EIF3H: variants seen among roughly 807,000 people sequenced by gnomAD.
The protein encoded by EIF3H is eIF-3-gamma.
Under a neutral mutation model 44.2 loss-of-function variants are expected in EIF3H, and 26 were observed. The ratio of observed to expected loss-of-function variants is 0.59; its 90% CI spans 0.43 to 0.82. EIF3H has a LOEUF of 0.82. Among genes scored for constraint, EIF3H ranks in the 40% least tolerant of loss-of-function variants. The pLI is 0.00. For synonymous variants in EIF3H, 166 were observed against 151.9 expected (o/e 1.09, Z -0.68); for missense variants, 359 against 432.8 (o/e 0.83, Z 1.51).
intron 2 of EIF3H, among the ~76,000 whole-genome samples, chr8:116,709,073 T>C (rs532566093): frequency 6.6e-6 from 1 of 152,136 alleles, no homozygotes; most frequent in East Asian, 1.9e-4. Context: ...ACCTTAGCAA[T>C]TTAAATAGAC....
At chr8:116,750,306 G>C (rs1815308635) in intron 1 of EIF3H, among the ~76,000 whole-genome samples, 1 of 10,878 alleles carries the variant, frequency 9.2e-5, no homozygotes. Context: ...GATGATGAAA[G>C]AGAACAATTT....
At position 116,734,721 on chromosome 8, in the gene EIF3H, A is replaced by T. The variant is rs1815005118; in HGVS notation, c.133-8549T>A. Among the ~76,000 whole-genome samples, 3 of 151,894 alleles carry T rather than the reference A, an allele frequency of 2.0e-5. No homozygotes were observed. In the South Asian group the frequency reaches 6.2e-4, roughly 32 times the overall value. ...CAGGTGCACGCCACCACACCCGGCTAAGTTTGTTCTGTATTTCTAGTGGAG... is the reference window on the plus strand; with the variant it reads ...CAGGTGCACGCCACCACACCCGGCTTAGTTTGTTCTGTATTTCTAGTGGAG... On this transcript the variant is annotated intron_variant, in intron 1 of 7. Coordinates refer to ENST00000521861, the MANE Select transcript of EIF3H (RefSeq NM_003756.3).
chr8:116,651,855 G>A (rs924528630), intron 5 of EIF3H, among the ~76,000 whole-genome samples: 1 of 152,210 alleles, frequency 6.6e-6, no homozygotes, highest in Non-Finnish European at 1.5e-5. Context: ...TCTGGAATCT[G>A]TCCTAAGGAC....
rs1193568300 is a variant in EIF3H, at chr8:116,655,849, C to T, written c.707+7G>A. The T allele has an allele frequency of 1.9e-6, 3 of 1,613,224 alleles. No homozygotes were observed. Among genetic ancestry groups the T allele is most frequent in the South Asian group, 1.1e-5 (1 of 90,984 alleles). The stretch of plus-strand genomic sequence containing the variant: ...ACATGGGCTTTTCATTAGGCAGGGC[C>T]ACTTACCTGCTGGCAAGGCTGAGCA... On this transcript the variant is annotated splice_region_variant and intron_variant, in intron 5 of 7. Transcript: ENST00000521861.
chr8:116,665,669 T>A (rs376191112), intron 2 of EIF3H, among the ~76,000 whole-genome samples: 1 of 152,182 alleles, frequency 6.6e-6, no homozygotes, highest in African/African-American at 2.4e-5. Context: ...GTAGGACTTT[T>A]AAGAATAAAA....
chr8:116,751,796 C>T (rs1815348773), intron 1 of EIF3H, among the ~76,000 whole-genome samples: 3 of 152,156 alleles, frequency 2.0e-5, no homozygotes, highest in Admixed American at 2.0e-4. Flanking sequence ...TATTCTGTCC[C>T]AGACATTGTT....
At chr8:116,715,651 A>T (rs1325496040) in intron 2 of EIF3H, among the ~76,000 whole-genome samples, 1 of 152,114 alleles carries the variant, frequency 6.6e-6, no homozygotes, top group Non-Finnish European at 1.5e-5. Context: ...TGAAATAGTA[A>T]ATCAATTTAG....
chr8:116,700,419 T>C (rs897817766), intron 2 of EIF3H, among the ~76,000 whole-genome samples: 7 of 152,222 alleles, frequency 4.6e-5, no homozygotes, highest in Admixed American at 1.3e-4. Flanking sequence ...CTTTTCTTTT[T>C]TTTTTAAGCT....
chr8:116,703,660 G>A lies in EIF3H; in HGVS notation c.289+22356C>T, dbSNP rs149967883. Among the ~76,000 whole-genome samples the A allele has an allele frequency of 1.2e-4, 18 of 152,288 alleles. No homozygotes were observed. The East Asian group carries it at 2.3e-3, about 20-fold the overall frequency. Reference sequence around the variant, plus strand: ...ACCAAACAGGGAAGGGCCCCTGTCCGGTGGACACATGGCTTGTGTGACCTT... The same window carrying A: ...ACCAAACAGGGAAGGGCCCCTGTCCAGTGGACACATGGCTTGTGTGACCTT... On this transcript the variant is annotated intron_variant, in intron 2 of 7. Coordinates refer to ENST00000521861, the MANE Select transcript of EIF3H (RefSeq NM_003756.3).
At chr8:116,659,082 A>C in intron 2 of EIF3H, 102 bp from the exon 3 acceptor site, 1 of 959,446 alleles carries the variant, frequency 1.0e-6, no homozygotes, top group Admixed American at 3.2e-5. Context: ...ATAACAATTT[A>C]TTAGCAATAG....
intron 2 of EIF3H, among the ~76,000 whole-genome samples, chr8:116,683,595 T>G (rs1249538282): frequency 6.6e-6 from 1 of 152,206 alleles, no homozygotes; most frequent in Non-Finnish European, 1.5e-5. Context: ...TTATTTAACT[T>G]TCTCAATTTG....
chr8:116,699,793 A>AGG (rs10628316), intron 2 of EIF3H, among the ~76,000 whole-genome samples: 26,237 of 149,694 alleles, frequency 0.18, 3,352 homozygotes, highest in African/African-American at 0.36. Flanking sequence ...ATGACAGTGC[A>AGG]GGTTTTTTGG....
intron 1 of EIF3H, among the ~76,000 whole-genome samples, chr8:116,752,184 A>C (rs1207637736): frequency 6.6e-6 from 1 of 152,246 alleles, no homozygotes; most frequent in Non-Finnish European, 1.5e-5. Context: ...TGATAGGGAT[A>C]GTGGCAATCA....
intron 1 of EIF3H, among the ~76,000 whole-genome samples, chr8:116,752,726 A>AG (rs1362034404): frequency 7.7e-4 from 95 of 123,758 alleles, no homozygotes; most frequent in African/African-American, 2.3e-3. Context: ...GAAAGAAAGA[A>AG]AGAAAGAAGA....
At chr8:116,650,115 T>C (rs1563632135) in intron 5 of EIF3H, among the ~76,000 whole-genome samples, 1 of 152,328 alleles carries the variant, frequency 6.6e-6, no homozygotes, top group Non-Finnish European at 1.5e-5. Context: ...ATGTGAATGA[T>C]ATCCTGGAGT....
At chr8:116,696,497 G>C (rs780876673) in intron 2 of EIF3H, among the ~76,000 whole-genome samples, 1 of 152,132 alleles carries the variant, frequency 6.6e-6, no homozygotes, top group Non-Finnish European at 1.5e-5. Context: ...TCTTTCCTGA[G>C]ACTATTTAAA....
At chr8:116,700,236 T>C (rs1413436986) in intron 2 of EIF3H, among the ~76,000 whole-genome samples, 1 of 152,202 alleles carries the variant, frequency 6.6e-6, no homozygotes, top group African/African-American at 2.4e-5. Flanking sequence ...TAGGGAAAAA[T>C]GGAGGTAGAG....
At chr8:116,726,226 CCTTT>C (rs1471345625) in intron 1 of EIF3H, 54 bp from the exon 2 acceptor site, 40 of 1,520,880 alleles carry the variant, frequency 2.6e-5, no homozygotes, top group Non-Finnish European at 3.5e-5. Context: ...TTTATTATTT[CCTTT>C]ATTTCTAAGA....
chr8:116,704,316 A>G (rs1172544331), intron 2 of EIF3H, among the ~76,000 whole-genome samples: 2 of 152,232 alleles, frequency 1.3e-5, no homozygotes, highest in African/African-American at 4.8e-5. Context: ...AGTCTTCAAC[A>G]CAATCAATGT....
Sources: allele counts gnomAD v4.1 joint callset (sites outside exome capture counted in the v4.1 genomes callset), GRCh38; gene constraint gnomAD v4.1.1; transcripts MANE v1.5; gene names NCBI Gene and HGNC (gene_info 2026-07-23, HGNC 2026-07-21).